The following RANBP2 variants were observed in gnomAD, a reference collection of about 807,000 sequenced individuals.
RANBP2 encodes RAN binding protein 2.
A neutral mutation model predicts 303.6 loss-of-function variants in RANBP2; 57 were observed. The observed-to-expected ratio is 0.19, with a 90% confidence interval of 0.15 to 0.23. The LOEUF is 0.23. RANBP2 is among the 10% of genes least tolerant of loss of function. The pLI, the probability that RANBP2 is intolerant of heterozygous loss-of-function variation, is 1.00. For missense variants in RANBP2, 3,138 were observed against 3,780.8 expected (o/e 0.83, Z 4.46); for synonymous variants, 1,167 against 1,301.5 (o/e 0.90, Z 2.23).
chr2:109,272,269 C>G, the RANBP2 span, among the ~76,000 whole-genome samples: 99 of 152,324 alleles, frequency 6.5e-4, no homozygotes, highest in African/African-American at 2.2e-3. Context: ...CTAGCAATTG[C>G]CCAACCAAAA....
At chr2:109,350,427 A>G in the RANBP2 span, among the ~76,000 whole-genome samples, 1 of 152,098 alleles carries the variant, frequency 6.6e-6, no homozygotes, top group Non-Finnish European at 1.5e-5. Context: ...AATGTGGAGA[A>G]TTAGAGGCCT....
rs539100739 is a variant in RANBP2 at position 108,719,691 on chromosome 2, C to G, written c.72+13C>G. The G allele has an allele frequency of 3.9e-5, 62 of 1,594,252 alleles. No individual in the cohort carries two copies. The East Asian group carries it at 1.2e-3, about 31-fold the overall frequency. On this transcript the variant is annotated intron_variant, in intron 1 of 28. Coordinates refer to ENST00000283195, the MANE Select transcript of RANBP2 (RefSeq NM_006267.5). The stretch of plus-strand genomic sequence containing the variant: ...GTCGCCTCGACAGGTGAGTGGGTCT[C>G]GAAGAGACCGACGGCCTCGACCTGG...
chr2:109,440,030 G>T, the RANBP2 span, among the ~76,000 whole-genome samples: 1 of 152,218 alleles, frequency 6.6e-6, no homozygotes, highest in African/African-American at 2.4e-5. Context: ...AATAGGAAGT[G>T]TCTGAGCAGA....
At chr2:108,843,159 ATTTTTC>A in the RANBP2 span, among the ~76,000 whole-genome samples, 2 of 151,542 alleles carry the variant, frequency 1.3e-5, no homozygotes, top group East Asian at 1.9e-4. Flanking sequence ...TAGAGTAGTT[ATTTTTC>A]TTTTTCTTTT....
chr2:109,054,696 C>CAAAA, the RANBP2 span, among the ~76,000 whole-genome samples: 8 of 57,850 alleles, frequency 1.4e-4, no homozygotes, highest in South Asian at 1.3e-3. Flanking sequence ...GACTCCGTCT[C>CAAAA]AAAAAAAAAA....
At chr2:109,647,785 A>G in the RANBP2 span, among the ~76,000 whole-genome samples, 65 of 152,280 alleles carry the variant, frequency 4.3e-4, no homozygotes, top group African/African-American at 1.5e-3. Context: ...CTCCTCACTT[A>G]AACAACATTA....
At chr2:108,884,626 A>G in the RANBP2 span, 1 of 152,322 alleles carries the variant, frequency 6.6e-6, no homozygotes, top group Admixed American at 6.5e-5. Context: ...TAAACATCAG[A>G]AAGTCAAGGA....
chr2:108,943,541 G>A, the RANBP2 span, among the ~76,000 whole-genome samples: 1 of 152,174 alleles, frequency 6.6e-6, no homozygotes, highest in African/African-American at 2.4e-5. Flanking sequence ...GCTGGGGCAG[G>A]TGGTGACTAG....
rs375243411 is a variant in RANBP2, at chr2:108,763,472, C to T, written c.2933C>T (p.Pro978Leu). The T allele has an allele frequency of 6.2e-7, 1 of 1,614,048 alleles. No homozygotes were observed. Among genetic ancestry groups the T allele is most frequent in the East Asian group, 2.2e-5 (1 of 44,874 alleles). ...AGCACAAATCCACCTTTGCCAGAAC[C>T]AGGATATTTCACAAAACCTCCGATT... ...QTSTNPPLPEPGYFTKPPIAA... is the reference protein window; with the variant it reads ...QTSTNPPLPELGYFTKPPIAA... The change falls in exon 20 of 29, where the codon CCA (proline) becomes CTA (leucine). Residue 978 changes from proline (P) to leucine (L), a missense_variant. Coordinates refer to ENST00000283195, the MANE Select transcript of RANBP2 (RefSeq NM_006267.5).
chr2:109,252,254 GAA>G, the RANBP2 span, among the ~76,000 whole-genome samples: 7 of 144,552 alleles, frequency 4.8e-5, no homozygotes, highest in African/African-American at 1.5e-4. Context: ...TCTCAGAGGA[GAA>G]AAAAAAAAAA....
chr2:109,650,749 C>T, the RANBP2 span, among the ~76,000 whole-genome samples: 3 of 152,182 alleles, frequency 2.0e-5, no homozygotes, highest in Non-Finnish European at 4.4e-5. Context: ...CTCTCATTCT[C>T]TCTTTTCTGC....
chr2:108,783,132 AAT>A (rs1475222748), intron 28 of RANBP2, among the ~76,000 whole-genome samples: 1 of 151,838 alleles, frequency 6.6e-6, no homozygotes, highest in Admixed American at 6.6e-5. Flanking sequence ...TGAGCCCCGG[AAT>A]TTGAGACCAG....
the RANBP2 span, among the ~76,000 whole-genome samples, chr2:109,595,535 G>T: frequency 6.6e-6 from 1 of 152,248 alleles, no homozygotes; most frequent in South Asian, 2.1e-4. Context: ...AACAAACAGT[G>T]GTGGTTACAG....
the RANBP2 span, among the ~76,000 whole-genome samples, chr2:109,385,311 A>T: frequency 6.6e-6 from 1 of 152,180 alleles, no homozygotes; most frequent in African/African-American, 2.4e-5. Context: ...GTTAGAAATG[A>T]TTGTTAACTT....
chr2:109,615,539 G>A, the RANBP2 span: 1 of 1,613,982 alleles, frequency 6.2e-7, no homozygotes, highest in African/African-American at 1.3e-5. Flanking sequence ...TGGCAGCCAT[G>A]CACGGCCACG....
the RANBP2 span, among the ~76,000 whole-genome samples, chr2:109,243,606 A>G: frequency 6.6e-6 from 1 of 152,286 alleles, no homozygotes; most frequent in East Asian, 1.9e-4. Context: ...GTGGCTGGGG[A>G]ACATTTTTAA....
the RANBP2 span, among the ~76,000 whole-genome samples, chr2:108,976,945 CA>C: frequency 3.9e-5 from 6 of 152,158 alleles, no homozygotes; most frequent in Admixed American, 2.6e-4. Flanking sequence ...TGGAGATTGG[CA>C]TTAGAATCCC....
At chr2:109,337,883 A>G in the RANBP2 span, among the ~76,000 whole-genome samples, 43 of 149,794 alleles carry the variant, frequency 2.9e-4, no homozygotes, top group African/African-American at 6.9e-4. Flanking sequence ...ATGCACCACC[A>G]CGCCTGGCTA....
chr2:109,160,083 G>T, the RANBP2 span, among the ~76,000 whole-genome samples: 1 of 152,218 alleles, frequency 6.6e-6, no homozygotes, highest in Non-Finnish European at 1.5e-5. Context: ...AAAGGTTGGA[G>T]ACTGCTGATT....
Sources: allele counts gnomAD v4.1 joint callset (sites outside exome capture counted in the v4.1 genomes callset), GRCh38; gene constraint gnomAD v4.1.1; transcripts MANE v1.5; gene names NCBI Gene and HGNC (gene_info 2026-07-23, HGNC 2026-07-21).